Variants in KCNQ5 observed in about 807,000 individuals in gnomAD.
The protein encoded by KCNQ5 is potassium voltage-gated channel subfamily Q member 5, also known as potassium voltage-gated channel subfamily KQT member 5.
KCNQ5 carries 30 observed loss-of-function variants against 98.2 expected under a neutral mutation model. That is an observed-to-expected ratio of 0.31 (90% CI 0.23 to 0.41). The LOEUF (loss-of-function observed/expected upper bound fraction) is 0.41, where lower values mean the gene tolerates loss of function less well. Among genes scored for constraint, KCNQ5 ranks in the 10% least tolerant of loss-of-function variants. The pLI, the probability that KCNQ5 is intolerant of heterozygous loss-of-function variation, is 1.00. For missense variants in KCNQ5, 835 were observed against 1,182.5 expected (o/e 0.71, Z 4.31); for synonymous variants, 458 against 449.4 (o/e 1.02, Z -0.24).
intron 1 of KCNQ5, among the ~76,000 whole-genome samples, chr6:72,669,722 C>G (rs946681314): frequency 1.3e-5 from 2 of 152,130 alleles, no homozygotes; most frequent in Non-Finnish European, 2.9e-5. Context: ...TTCTGTTATT[C>G]CATCCCATTT....
chr6:72,866,536 T>C (rs558133401), intron 1 of KCNQ5, among the ~76,000 whole-genome samples: 1 of 152,256 alleles, frequency 6.6e-6, no homozygotes, highest in Non-Finnish European at 1.5e-5. Flanking sequence ...ATTACAGACA[T>C]GAGCGACTGC....
intron 1 of KCNQ5, among the ~76,000 whole-genome samples, chr6:72,835,937 C>T (rs572023581): frequency 1.3e-5 from 2 of 152,300 alleles, no homozygotes; most frequent in African/African-American, 2.4e-5. Flanking sequence ...TCCACATTCA[C>T]ACATCACACT....
chr6:73,122,121 C>G (rs774057305), intron 8 of KCNQ5, among the ~76,000 whole-genome samples: 2 of 152,166 alleles, frequency 1.3e-5, no homozygotes, highest in Non-Finnish European at 2.9e-5. Context: ...AAAATAGAAC[C>G]TAACTCCTGT....
intron 1 of KCNQ5, among the ~76,000 whole-genome samples, chr6:72,934,426 CAG>C (rs918381492): frequency 5.3e-5 from 8 of 152,036 alleles, no homozygotes; most frequent in African/African-American, 1.9e-4. Context: ...AGTGTGATAA[CAG>C]TGGTGGTGGT....
At chr6:73,124,564 A>G in intron 9 of KCNQ5, 52 bp downstream of exon 9, 2 of 1,542,242 alleles carry the variant, frequency 1.3e-6, no homozygotes, top group Non-Finnish European at 1.8e-6. Context: ...GATACCTACC[A>G]GGTGTTTTAA....
At chr6:72,998,738 A>G (rs1327761817) in intron 1 of KCNQ5, among the ~76,000 whole-genome samples, 1 of 146,542 alleles carries the variant, frequency 6.8e-6, no homozygotes, top group Non-Finnish European at 1.5e-5. Context: ...CTCCATCTCA[A>G]AAAAAAAAAA....
At chr6:72,878,622 T>C (rs547368802) in intron 1 of KCNQ5, among the ~76,000 whole-genome samples, 1 of 152,294 alleles carries the variant, frequency 6.6e-6, no homozygotes, top group Admixed American at 6.5e-5. Flanking sequence ...GGTCAAATTG[T>C]TACTCATGAG....
chr6:73,042,049 C>T lies in KCNQ5; in HGVS notation c.603C>T (p.Pro201=), dbSNP rs767342485. The change falls in exon 3 of 14, where the codon CCC becomes CCT. Residue 201 remains proline (P), a synonymous_variant. Coordinates refer to ENST00000370398, the MANE Select transcript of KCNQ5 (RefSeq NM_019842.4). ...WQGRLRFARK[P]FCVIDTIVLI... ...GAAGACTGAGGTTTGCTCGAAAGCC[C>T]TTCTGTGTTATAGGTGAATATCAGA... is the stretch of plus-strand genomic sequence containing the variant. The T allele has an allele frequency of 1.2e-6, 2 of 1,613,838 alleles. No homozygotes were observed. The highest frequency in any genetic ancestry group is 2.2e-5 in the South Asian group (2 of 91,074).
chr6:72,729,906 A>T (rs1406753233), intron 1 of KCNQ5, among the ~76,000 whole-genome samples: 1 of 152,166 alleles, frequency 6.6e-6, no homozygotes, highest in Non-Finnish European at 1.5e-5. Context: ...CACACTTATA[A>T]TCCCAGCATT....
At chr6:72,751,327 T>A (rs931202002) in intron 1 of KCNQ5, among the ~76,000 whole-genome samples, 4 of 147,120 alleles carry the variant, frequency 2.7e-5, no homozygotes, top group East Asian at 3.9e-4. Context: ...AAAAAAAAAA[T>A]ATAAGAAAAT....
intron 1 of KCNQ5, among the ~76,000 whole-genome samples, chr6:72,979,576 G>A (rs1768331832): frequency 6.6e-6 from 1 of 152,120 alleles, no homozygotes; most frequent in African/African-American, 2.4e-5. Context: ...CTGGATATTA[G>A]CCCTTTGTTA....
At chr6:73,191,486 T>C (rs1765586539) in intron 12 of KCNQ5, among the ~76,000 whole-genome samples, 1 of 152,198 alleles carries the variant, frequency 6.6e-6, no homozygotes. Context: ...TAAATTCAGT[T>C]TTTTAAGAGC....
At chr6:72,881,481 A>G (rs1294051035) in intron 1 of KCNQ5, among the ~76,000 whole-genome samples, 1 of 152,182 alleles carries the variant, frequency 6.6e-6, no homozygotes, top group Non-Finnish European at 1.5e-5. Flanking sequence ...ATAAACAATT[A>G]TTGCACACCA....
intron 1 of KCNQ5, among the ~76,000 whole-genome samples, chr6:72,858,931 A>G (rs535104505): frequency 2.0e-5 from 3 of 151,068 alleles, no homozygotes; most frequent in East Asian, 3.9e-4. Context: ...GTTATGTAAG[A>G]TGTTGCCATG....
intron 2 of KCNQ5, among the ~76,000 whole-genome samples, chr6:73,031,675 T>A (rs1325296201): frequency 6.6e-6 from 1 of 152,150 alleles, no homozygotes; most frequent in Admixed American, 6.5e-5. Flanking sequence ...CCCAATAGAT[T>A]ATAAACTCCT....
At chr6:73,103,636 A>G (rs569870679) in intron 5 of KCNQ5, among the ~76,000 whole-genome samples, 2 of 152,256 alleles carry the variant, frequency 1.3e-5, no homozygotes, top group East Asian at 3.9e-4. Flanking sequence ...AAGTATAATA[A>G]TTAAAAAAAA....
chr6:72,701,095 TAGC>T (rs1195468843), intron 1 of KCNQ5, among the ~76,000 whole-genome samples: 4 of 152,258 alleles, frequency 2.6e-5, no homozygotes, highest in Non-Finnish European at 5.9e-5. Flanking sequence ...AAATTTCTAG[TAGC>T]TTGAATTACT....
chr6:72,647,852 G>A (rs1765677323), intron 1 of KCNQ5, among the ~76,000 whole-genome samples: 2 of 152,170 alleles, frequency 1.3e-5, no homozygotes, highest in African/African-American at 4.8e-5. Flanking sequence ...ACTTCATGTA[G>A]TAGAATGTAA....
intron 1 of KCNQ5, among the ~76,000 whole-genome samples, chr6:72,713,746 A>T (rs1035211000): frequency 3.9e-5 from 6 of 152,190 alleles, no homozygotes; most frequent in African/African-American, 1.4e-4. Flanking sequence ...AGGGGCATGG[A>T]GACTAGACAG....
Sources: gnomAD v4.1 joint callset for allele counts (sites outside exome capture counted in the v4.1 genomes callset) on GRCh38, gnomAD v4.1.1 for gene constraint, MANE v1.5 for transcripts, NCBI Gene and HGNC (gene_info 2026-07-23, HGNC 2026-07-21) for gene names.